Variants in PRMT8 observed in about 807,000 individuals in gnomAD.
The protein encoded by PRMT8 is protein arginine N-methyltransferase 8.
Under a neutral mutation model 47.1 loss-of-function variants are expected in PRMT8, and 7 were observed. The observed-to-expected ratio is 0.15, with a 90% CI of 0.08 to 0.28. The LOEUF (loss-of-function observed/expected upper bound fraction) is 0.28. PRMT8 is among the 10% of genes least tolerant of loss of function. The pLI is 1.00. For synonymous variants in PRMT8, 188 were observed against 186.5 expected, an observed-to-expected ratio of 1.01 and a Z score of -0.07; for missense variants, 237 against 505.4, an observed-to-expected ratio of 0.47 and a Z score of 5.09.
intron 4 of PRMT8, among the ~76,000 whole-genome samples, chr12:3,556,883 G>A (rs1448906416): frequency 6.6e-6 from 1 of 152,094 alleles, no homozygotes; most frequent in South Asian, 2.1e-4. Flanking sequence ...CCTTGCACAG[G>A]TGGTGGGGTG....
At chr12:3,558,121 G>A (rs991037000) in intron 4 of PRMT8, among the ~76,000 whole-genome samples, 5 of 152,074 alleles carry the variant, frequency 3.3e-5, no homozygotes, top group Middle Eastern at 3.4e-3. Context: ...GGGGTGGGCC[G>A]GCAGGGGAGG....
chr12:3,451,147 C>T (rs182049292), intron 1 of PRMT8, among the ~76,000 whole-genome samples: 80 of 144,020 alleles, frequency 5.6e-4, no homozygotes, highest in Non-Finnish European at 8.0e-4. Flanking sequence ...AAAACTGCCA[C>T]AAGAGTTAGA....
chr12:3,530,769 T>C (rs1866017941), intron 1 of PRMT8, among the ~76,000 whole-genome samples: 1 of 152,174 alleles, frequency 6.6e-6, no homozygotes, highest in African/African-American at 2.4e-5. Context: ...CATCTAAAGA[T>C]AGCACCCTGG....
intron 2 of PRMT8, 92 bp downstream of exon 2, chr12:3,540,883 C>T: frequency 7.3e-7 from 1 of 1,378,970 alleles, no homozygotes; most frequent in Non-Finnish European, 1.0e-6. Context: ...AACTCCTTAC[C>T]ATGGTAAAGG....
chr12:3,431,766 A>G (rs1241299052), intron 1 of PRMT8, among the ~76,000 whole-genome samples: 1 of 152,204 alleles, frequency 6.6e-6, no homozygotes, highest in East Asian at 1.9e-4. Flanking sequence ...TGTGAACTGA[A>G]TAGGGGGTGA....
intron 1 of PRMT8, among the ~76,000 whole-genome samples, chr12:3,496,776 A>G (rs1246571496): frequency 6.6e-6 from 1 of 152,188 alleles, no homozygotes; most frequent in Non-Finnish European, 1.5e-5. Context: ...AAAAAGTGCA[A>G]ACTGAAAGTA....
At chr12:3,382,019 T>A (rs1864097342) in intron 1 of PRMT8, among the ~76,000 whole-genome samples, 1 of 152,244 alleles carries the variant, frequency 6.6e-6, no homozygotes, top group South Asian at 2.1e-4. Context: ...TCACTCAGCA[T>A]AATTCTCTGG....
At chr12:3,402,575 G>C (rs992870296) in intron 1 of PRMT8, among the ~76,000 whole-genome samples, 1 of 152,188 alleles carries the variant, frequency 6.6e-6, no homozygotes, top group Non-Finnish European at 1.5e-5. Context: ...CCATCCATCT[G>C]ACAAAGGTCT....
chr12:3,478,210 A>G (rs1350736785), intron 1 of PRMT8, among the ~76,000 whole-genome samples: 3 of 152,186 alleles, frequency 2.0e-5, no homozygotes, highest in African/African-American at 7.2e-5. Context: ...ATGGAAAGAA[A>G]TGGAGTCTTC....
intron 1 of PRMT8, among the ~76,000 whole-genome samples, chr12:3,458,274 C>T (rs938105069): frequency 1.3e-5 from 2 of 152,230 alleles, no homozygotes; most frequent in African/African-American, 4.8e-5. Flanking sequence ...TCTCCAACTG[C>T]TTTCATGAGG....
intron 1 of PRMT8, among the ~76,000 whole-genome samples, chr12:3,506,721 G>A (rs549444450): frequency 2.0e-4 from 30 of 152,210 alleles, no homozygotes; most frequent in Middle Eastern, 3.4e-3. Context: ...CATTCTCTAC[G>A]GGAGGCTCCC....
intron 1 of PRMT8, among the ~76,000 whole-genome samples, chr12:3,515,880 T>C (rs535521069): frequency 4.0e-4 from 61 of 152,378 alleles, no homozygotes; most frequent in African/African-American, 1.4e-3. Flanking sequence ...CAGGCTTCCC[T>C]GGTGGTTGGT....
At chr12:3,405,189 G>T (rs1158616796) in intron 1 of PRMT8, among the ~76,000 whole-genome samples, 1 of 152,168 alleles carries the variant, frequency 6.6e-6, no homozygotes, top group Admixed American at 6.5e-5. Flanking sequence ...GCAGGAAGAA[G>T]TGCCAAGCAA....
chr12:3,505,001 A>G (rs1865596257), intron 1 of PRMT8, among the ~76,000 whole-genome samples: 1 of 126,360 alleles, frequency 7.9e-6, no homozygotes, highest in East Asian at 2.3e-4. Flanking sequence ...TGACTCGGAA[A>G]GGGAACTCCC....
At chr12:3,546,497 C>A (rs1286381526) in intron 2 of PRMT8, among the ~76,000 whole-genome samples, 1 of 152,046 alleles carries the variant, frequency 6.6e-6, no homozygotes, top group Non-Finnish European at 1.5e-5. Context: ...GAGGCAAGGA[C>A]CTCCTGACGA....
At position 3,585,436 on chromosome 12, in the gene PRMT8, G is replaced by T. The variant is rs193230292; in HGVS notation, c.979+2228G>T. On this transcript the variant is annotated intron_variant, in intron 8 of 9. Transcript: ENST00000382622. ...TGCAGTGGCACAATCATAGCTCACT[G>T]CAGCCTTGACCTCCTGGGCTCAAGC... Among the ~76,000 whole-genome samples the T allele has an allele frequency of 8.6e-4, 109 of 126,842 alleles. 1 individual carries two copies. The highest frequency in any genetic ancestry group is 1.3e-3 in the Non-Finnish European group (86 of 64,146). The allele number at this position is 126,842 out of a possible 152,430, so 83.2% of individuals were successfully genotyped here. A position where few individuals can be genotyped will look rare whatever the true frequency, so the allele number is the denominator to read the frequency against.
chr12:3,494,499 G>T (rs1232367757), intron 1 of PRMT8, among the ~76,000 whole-genome samples: 2 of 152,182 alleles, frequency 1.3e-5, no homozygotes, highest in African/African-American at 2.4e-5. Flanking sequence ...ATTGCTGTTT[G>T]CCCTGCCCTT....
At chr12:3,458,638 C>G (rs1865002050) in intron 1 of PRMT8, among the ~76,000 whole-genome samples, 1 of 152,242 alleles carries the variant, frequency 6.6e-6, no homozygotes, top group African/African-American at 2.4e-5. Context: ...TATATCTGTC[C>G]TGTTCCACTT....
At chr12:3,486,333 G>T (rs759564643), upstream of PRMT8, among the ~76,000 whole-genome samples, 1 of 151,966 alleles carries the variant, frequency 6.6e-6, no homozygotes, top group African/African-American at 2.4e-5. Flanking sequence ...ACCCCCGATG[G>T]TACCTAAATC....
Sources: gnomAD v4.1 joint callset for allele counts (sites outside exome capture counted in the v4.1 genomes callset) on GRCh38, gnomAD v4.1.1 for gene constraint, MANE v1.5 for transcripts, NCBI Gene and HGNC (gene_info 2026-07-23, HGNC 2026-07-21) for gene names.